The following CFAP92 variants were observed in gnomAD, a reference collection of about 807,000 sequenced individuals.
The protein encoded by CFAP92 is uncharacterized protein CFAP92.
A neutral mutation model predicts 106.3 loss-of-function variants in CFAP92; 86 were observed. That is an observed-to-expected ratio of 0.81 (90% CI 0.68 to 0.97). The LOEUF is 0.97. Ranked by LOEUF, CFAP92 falls within the 50% of genes least tolerant of loss-of-function variation. The probability of loss-of-function intolerance (pLI) is 0.00; values close to 1 mark genes in which losing one functional copy is unlikely to be tolerated. For missense variants in CFAP92, 1,204 were observed against 1,283.8 expected (o/e 0.94, Z 0.95); for synonymous variants, 477 against 506.4 (o/e 0.94, Z 0.78).
intron 9 of CFAP92, among the ~76,000 whole-genome samples, chr3:128,952,893 AC>A (rs1361541910): frequency 6.6e-6 from 1 of 151,614 alleles, no homozygotes; most frequent in Non-Finnish European, 1.5e-5. Flanking sequence ...GACCAGCCTG[AC>A]CAAGATAGTG....
Position 128,984,825 on chromosome 3 carries a change from T to A in CFAP92, c.667+2791A>T, listed in dbSNP as rs144254808. Among the ~76,000 whole-genome samples, 27 of 152,332 alleles carry A rather than the reference T, an allele frequency of 1.8e-4. No individual in the cohort carries two copies. In the East Asian group the frequency reaches 4.8e-3, roughly 27 times the overall value. The stretch of plus-strand genomic sequence containing the variant: ...GTTCTGGCATGTGACCTACCAGGCA[T>A]CCAAGAAACATCCTATCCCCTTCAT... On this transcript the variant is annotated intron_variant, in intron 4 of 15. Coordinates refer to ENST00000645291, the MANE Select transcript of CFAP92 (RefSeq NM_001394090.1).
Position 128,960,294 on chromosome 3 carries a change from C to T in CFAP92, c.1353+5217G>A, listed in dbSNP as rs924742325. The stretch of plus-strand genomic sequence containing the variant: ...GATCGGGGGACCTCCCTTGGGAGAT[C>T]AATCCCCCGTCCTCCTGCTCTTTGC... On this transcript the variant is annotated intron_variant, in intron 9 of 15. Transcript: ENST00000645291. 2.6e-5 allele frequency among the ~76,000 whole-genome samples: 4 copies of T among 152,348 alleles called. No homozygotes were observed. In the South Asian group the frequency reaches 8.3e-4, roughly 32 times the overall value.
At chr3:129,007,891 C>T in the CFAP92 span, among the ~76,000 whole-genome samples, 2 of 152,178 alleles carry the variant, frequency 1.3e-5, no homozygotes, top group Non-Finnish European at 2.9e-5. Context: ...AGCATTCAAC[C>T]ATACTAATTT....
chr3:128,934,375 A>G (rs563166357), intron 11 of CFAP92, among the ~76,000 whole-genome samples: 59 of 152,126 alleles, frequency 3.9e-4, no homozygotes, highest in African/African-American at 1.4e-3. Context: ...ATGCGCCACC[A>G]TGCCTGGCTA....
the CFAP92 span, among the ~76,000 whole-genome samples, chr3:129,014,457 C>A: frequency 1.2e-4 from 19 of 152,352 alleles, no homozygotes; most frequent in South Asian, 2.1e-4. The surrounding 1 kb of genome is among the most constrained non-coding windows in gnomAD (Gnocchi z 4.3). Context: ...TGTATCCTCG[C>A]GTGGTCTTCC....
intron 4 of CFAP92, among the ~76,000 whole-genome samples, chr3:128,981,325 C>T (rs1396793101): frequency 2.0e-5 from 3 of 151,130 alleles, no homozygotes; most frequent in South Asian, 2.1e-4. Context: ...AGTGAGCCAC[C>T]GCGCCTGGCC....
rs959391783 is a variant in CFAP92, at chr3:128,932,850, G to A, written c.2601C>T (p.Ala867=). 6.5e-7 allele frequency: 1 copy of A among 1,536,196 alleles called. No homozygotes were observed. Among genetic ancestry groups the A allele is most frequent in the African/African-American group, 1.4e-5 (1 of 73,152 alleles). Residue 867 remains alanine (A), a synonymous_variant, in exon 12 of 16, where the codon GCC becomes GCT. Transcript: ENST00000645291. ...QEELTDEKLF[A]LPPQPAPNLE... ...GATTGGGGGCAGGCTGAGGTGGTAGGGCAAACAGTTTCTCATCTGTGAGTT... is the reference window on the plus strand; with the variant it reads ...GATTGGGGGCAGGCTGAGGTGGTAGAGCAAACAGTTTCTCATCTGTGAGTT...
At chr3:128,922,462 A>G (rs1937374157) in intron 12 of CFAP92, among the ~76,000 whole-genome samples, 1 of 152,242 alleles carries the variant, frequency 6.6e-6, no homozygotes, top group Admixed American at 6.5e-5. Flanking sequence ...AGCACAGTGA[A>G]AAGAACAGGA....
the CFAP92 span, among the ~76,000 whole-genome samples, chr3:129,018,414 C>T: frequency 9.2e-5 from 14 of 152,326 alleles, no homozygotes; most frequent in Admixed American, 9.2e-4. Context: ...ATGAAAATTT[C>T]ATAAAATTCA....
chr3:128,941,633 C>T (rs145425949), intron 10 of CFAP92, among the ~76,000 whole-genome samples: 2,754 of 152,148 alleles, frequency 0.018, 77 homozygotes, highest in African/African-American at 0.06. Context: ...TGTGCCACCA[C>T]GCCCAGCTAA....
At chr3:128,996,280 C>A (rs528802944), upstream of CFAP92, among the ~76,000 whole-genome samples, 141 of 152,338 alleles carry the variant, frequency 9.3e-4, 1 homozygote, top group South Asian at 5.0e-3. Flanking sequence ...CAGAAACAAG[C>A]TGTCTCCATC....
intron 2 of CFAP92, 44 bp downstream of exon 2, chr3:128,992,999 C>G: frequency 2.5e-6 from 4 of 1,607,062 alleles, no homozygotes; most frequent in Non-Finnish European, 2.6e-6. Flanking sequence ...AAGTCATGCA[C>G]CTCCTTTTTT....
intron 4 of CFAP92, among the ~76,000 whole-genome samples, chr3:128,981,867 T>G (rs1943557673): frequency 6.6e-6 from 1 of 152,220 alleles, no homozygotes. Flanking sequence ...GAAAGGAGTC[T>G]TTTTCTAAGC....
At chr3:128,963,855 C>T (rs1264391987) in intron 9 of CFAP92, among the ~76,000 whole-genome samples, 1 of 151,086 alleles carries the variant, frequency 6.6e-6, no homozygotes, top group Non-Finnish European at 1.5e-5. Context: ...ATTCAGGCCC[C>T]CTCCCTTCCC....
intron 5 of CFAP92, 68 bp downstream of exon 5, chr3:128,977,977 C>T: frequency 6.3e-7 from 1 of 1,598,128 alleles, no homozygotes; most frequent in South Asian, 1.1e-5. Flanking sequence ...TGCTCCAGCA[C>T]ACCACACAAC....
intron 10 of CFAP92, among the ~76,000 whole-genome samples, chr3:128,942,232 C>T (rs1939705574): frequency 6.6e-6 from 1 of 152,208 alleles, no homozygotes; most frequent in South Asian, 2.1e-4. Flanking sequence ...CTAAAATCCG[C>T]CAAGGGAACA....
intron 7 of CFAP92, 28 bp from the exon 8 acceptor site, chr3:128,971,461 A>C: frequency 1.3e-6 from 2 of 1,538,792 alleles, no homozygotes; most frequent in Non-Finnish European, 1.8e-6. Context: ...GGAGATGAGC[A>C]TTAAGAGGAG....
rs1274331992 is a variant in CFAP92 at position 128,952,473 on chromosome 3, G to T, written c.1354-6498C>A. The stretch of plus-strand genomic sequence containing the variant: ...TTTTAAAAAATCACCTGTCATACCA[G>T]AAAAATCAACTTGAATGGGAAAAAC... On this transcript the variant is annotated intron_variant, in intron 9 of 15. Transcript: ENST00000645291. 2.0e-5 allele frequency among the ~76,000 whole-genome samples: 3 copies of T among 151,998 alleles called. No individual in the cohort carries two copies. In the East Asian group the frequency reaches 5.8e-4, roughly 29 times the overall value.
chr3:129,000,809 G>A (rs1438123495), intron 1 of CFAP92, among the ~76,000 whole-genome samples: 2 of 152,218 alleles, frequency 1.3e-5, no homozygotes, highest in African/African-American at 4.8e-5. Flanking sequence ...CCACTTTCCC[G>A]AGAGTCCTAT....
Sources: gnomAD v4.1 joint callset for allele counts (sites outside exome capture counted in the v4.1 genomes callset) on GRCh38, gnomAD v4.1.1 for gene constraint, Gnocchi (gnomAD v3.1) non-coding constraint, MANE v1.5 for transcripts, NCBI Gene and HGNC (gene_info 2026-07-23, HGNC 2026-07-21) for gene names.